PROKR1: variants seen among roughly 807,000 people sequenced by gnomAD.
PROKR1 encodes prokineticin receptor 1.
In PROKR1, 21 loss-of-function variants were observed where a neutral mutation model predicts 22.8. That is an observed-to-expected ratio of 0.92 (90% confidence interval 0.65 to 1.32). The LOEUF is 1.32. PROKR1 is among the 40% of genes most tolerant of loss of function. The pLI is 0.00. For missense variants in PROKR1, 548 were observed against 514.2 expected, an observed-to-expected ratio of 1.07 and a Z score of -0.64; for synonymous variants, 193 against 207.5, an observed-to-expected ratio of 0.93 and a Z score of 0.60.
intron 2 of PROKR1, among the ~76,000 whole-genome samples, 186 bp from the exon 3 acceptor site, chr2:68,654,694 A>AG (rs982494696): frequency 2.0e-5 from 3 of 151,298 alleles, no homozygotes; most frequent in Non-Finnish European, 2.9e-5. Flanking sequence ...GCTACTTGGG[A>AG]GGCTGAGGTG....
Position 68,655,536 on chromosome 2 carries a change from T to G in PROKR1, c.1142T>G (p.Met381Arg). Residue 381 changes from methionine to arginine, a missense_variant, in exon 3 of 3, where the codon ATG becomes AGG. Physicochemically the swap from Met to Arg is moderately conservative, Grantham distance 91 (BLOSUM62 -1). Transcript: ENST00000303786. ...GACCTGGACCTCAAGACAATTGGGATGCCTGCCACCGAAGAGGTGGACTGC... is the reference window on the plus strand; with the variant it reads ...GACCTGGACCTCAAGACAATTGGGAGGCCTGCCACCGAAGAGGTGGACTGC... ...SADLDLKTIGMPATEEVDCIR... is the reference protein window; with the variant it reads ...SADLDLKTIGRPATEEVDCIR... 6.2e-7 allele frequency: 1 copy of G among 1,614,230 alleles called. No homozygotes were observed. The highest frequency in any genetic ancestry group is 1.1e-5 in the South Asian group (1 of 91,082).
Position 68,645,206 on chromosome 2 carries a change from G to T in PROKR1, c.-160-456G>T, listed in dbSNP as rs758381248. 2.3e-4 allele frequency among the ~76,000 whole-genome samples: 35 copies of T among 152,202 alleles called. 1 individual carries two copies. The highest frequency in any genetic ancestry group is 1.5e-5 in the Non-Finnish European group (1 of 68,034). ...TTCCCAGCTTCTAGGGTCATAGCAG[G>T]TTCTAATGTGGGAACAGGAAGTCCA... On this transcript the variant is annotated intron_variant, in intron 1 of 2. Coordinates refer to ENST00000303786, the MANE Select transcript of PROKR1 (RefSeq NM_138964.4).
At position 68,643,863 on chromosome 2, in the gene PROKR1, C is replaced by G. The variant is rs1305021210; in HGVS notation, c.-161+15C>G. 6.6e-6 allele frequency: 1 copy of G among 152,328 alleles called. No homozygotes were observed. The highest frequency in any genetic ancestry group is 1.5e-5 in the Non-Finnish European group (1 of 68,104). The allele number at this position is 152,328 out of a possible 1,614,324, so 9.4% of individuals were successfully genotyped here. On this transcript the variant is annotated intron_variant, in intron 1 of 2. Coordinates refer to ENST00000303786, the MANE Select transcript of PROKR1 (RefSeq NM_138964.4). Reference sequence around the variant, plus strand: ...CGATGCCGCAGGTACAGAGCGCGCCCTCCCGGGGAGGATGCTCCAGGGACC... The same window carrying G: ...CGATGCCGCAGGTACAGAGCGCGCCGTCCCGGGGAGGATGCTCCAGGGACC...
intron 2 of PROKR1, among the ~76,000 whole-genome samples, chr2:68,651,192 T>C (rs1673316690): frequency 6.8e-6 from 1 of 147,104 alleles, no homozygotes; most frequent in African/African-American, 2.5e-5. Flanking sequence ...GTAGATCCTG[T>C]CTCTACAAAA....
At position 68,655,244 on chromosome 2, in the gene PROKR1, C is replaced by G; in HGVS notation, c.850C>G (p.Leu284Val). Reference sequence around the variant, plus strand: ...GCTGCGCTGCCGCAGGAAGACGGTCCTGGTGCTCATGTGCATCCTCACCGC... The same window carrying G: ...GCTGCGCTGCCGCAGGAAGACGGTCGTGGTGCTCATGTGCATCCTCACCGC... Reference protein sequence around the residue: ...KRLRCRRKTVLVLMCILTAYV... With the variant: ...KRLRCRRKTVVVLMCILTAYV... The change falls in exon 3 of 3, where the codon CTG becomes GTG. Residue 284 changes from leucine (L) to valine (V), a missense_variant. By Grantham distance (32) the Leu-to-Val change is conservative. Coordinates refer to ENST00000303786, the MANE Select transcript of PROKR1 (RefSeq NM_138964.4). 1.9e-6 allele frequency: 3 copies of G among 1,614,282 alleles called. No individual in the cohort carries two copies. Among genetic ancestry groups the G allele is most frequent in the Non-Finnish European group, 1.7e-6 (2 of 1,180,052 alleles).
At position 68,654,860 on chromosome 2, in the gene PROKR1, C is replaced by T; in HGVS notation, c.486-20C>T. ...ACTTCTTTCTCACAGTGGCTGCCTCCACTTGTGTTCTTGCCCTAGGTATCT... is the reference window on the plus strand; with the variant it reads ...ACTTCTTTCTCACAGTGGCTGCCTCTACTTGTGTTCTTGCCCTAGGTATCT... On this transcript the variant is annotated intron_variant, in intron 2 of 2. Transcript: ENST00000303786. 2 of 1,589,042 alleles carry T rather than the reference C, an allele frequency of 1.3e-6. No homozygotes were observed. Among genetic ancestry groups the T allele is most frequent in the South Asian group, 2.2e-5 (2 of 90,556 alleles).
intron 2 of PROKR1, among the ~76,000 whole-genome samples, chr2:68,650,477 T>C (rs529687362): frequency 6.6e-5 from 10 of 152,306 alleles, no homozygotes; most frequent in African/African-American, 2.4e-4. Context: ...CAAGTAATTA[T>C]TGTGCCCCGA....
Position 68,645,956 on chromosome 2 carries a change from T to C in PROKR1, c.135T>C (p.Pro45=). The C allele has an allele frequency of 1.2e-6, 2 of 1,614,210 alleles. No individual in the cohort carries two copies. Among genetic ancestry groups the C allele is most frequent in the South Asian group, 1.1e-5 (1 of 91,082 alleles). ...TCAGCTACAGCGACTATGATATGCCTTTGGATGAAGATGAGGATGTGACCA... is the reference window on the plus strand; with the variant it reads ...TCAGCTACAGCGACTATGATATGCCCTTGGATGAAGATGAGGATGTGACCA... ...FNFSYSDYDM[P]LDEDEDVTNS... Residue 45 remains proline, a synonymous_variant, in exon 2 of 3, where the codon CCT becomes CCC. Coordinates refer to ENST00000303786, the MANE Select transcript of PROKR1 (RefSeq NM_138964.4).
chr2:68,645,155 C>G (rs1673147049), intron 1 of PROKR1, among the ~76,000 whole-genome samples: 1 of 152,212 alleles, frequency 6.6e-6, no homozygotes, highest in African/African-American at 2.4e-5. Flanking sequence ...CAGCCTCTGT[C>G]TGGGGACAGG....
At chr2:68,645,157 G>A (rs1673147105) in intron 1 of PROKR1, among the ~76,000 whole-genome samples, 1 of 152,182 alleles carries the variant, frequency 6.6e-6, no homozygotes, top group African/African-American at 2.4e-5. Context: ...GCCTCTGTCT[G>A]GGGACAGGCC....
At chr2:68,651,293 A>G (rs1395619803) in intron 2 of PROKR1, among the ~76,000 whole-genome samples, 2 of 152,128 alleles carry the variant, frequency 1.3e-5, no homozygotes, top group Admixed American at 1.3e-4. Context: ...GGCCCAGGAG[A>G]TAGAAGCTGC....
In PROKR1 at chr2:68,655,287, C is replaced by G; in HGVS notation, c.893C>G (p.Ala298Gly). 6.2e-7 allele frequency: 1 copy of G among 1,614,240 alleles called. No homozygotes were observed. Among genetic ancestry groups the G allele is most frequent in the Non-Finnish European group, 8.5e-7 (1 of 1,180,050 alleles). The change falls in exon 3 of 3, where the codon GCG becomes GGG. Residue 298 changes from alanine to glycine, a missense_variant. Transcript: ENST00000303786. ...CILTAYVLCW[A>G]PFYGFTIVRD... Reference sequence around the variant, plus strand: ...CTCACCGCCTACGTGCTATGCTGGGCGCCCTTCTACGGCTTCACCATCGTG... The same window carrying G: ...CTCACCGCCTACGTGCTATGCTGGGGGCCCTTCTACGGCTTCACCATCGTG...
intron 2 of PROKR1, among the ~76,000 whole-genome samples, chr2:68,650,293 T>G (rs1214415615): frequency 6.6e-6 from 1 of 152,200 alleles, no homozygotes; most frequent in African/African-American, 2.4e-5. Flanking sequence ...AAACTTTTAT[T>G]ATCTAGCCCC....
chr2:68,649,865 G>C (rs148113870), intron 2 of PROKR1, among the ~76,000 whole-genome samples: 1 of 152,274 alleles, frequency 6.6e-6, no homozygotes, highest in Non-Finnish European at 1.5e-5. Context: ...TCTACAAACA[G>C]AGGAACAGAG....
At position 68,645,533 on chromosome 2, in the gene PROKR1, T is replaced by C. The variant is rs147248145; in HGVS notation, c.-160-129T>C. 1,642 of 505,844 alleles carry C rather than the reference T, an allele frequency of 3.2e-3. 17 individuals carry two copies. Among genetic ancestry groups the C allele is most frequent in the African/African-American group, 0.026 (1,356 of 52,228 alleles). The allele number at this position is 505,844 out of a possible 1,614,324, so 31.3% of individuals were successfully genotyped here. On this transcript the variant is annotated intron_variant, in intron 1 of 2. Transcript: ENST00000303786. ...ATTCATTTTCTCTCATTGGTTCCTT[T>C]ATTTCCACTCCATCACCCTATGTTC...
At chr2:68,653,269 C>T (rs1369855322) in intron 2 of PROKR1, among the ~76,000 whole-genome samples, 1 of 152,150 alleles carries the variant, frequency 6.6e-6, no homozygotes, top group Admixed American at 6.5e-5. Context: ...TGGCAGTCGG[C>T]CGGGCGTCCA....
At chr2:68,644,807 C>T (rs1233535109) in intron 1 of PROKR1, among the ~76,000 whole-genome samples, 1 of 152,164 alleles carries the variant, frequency 6.6e-6, no homozygotes, top group East Asian at 1.9e-4. Flanking sequence ...GGCTGCCTCC[C>T]TGTCCCCACC....
intron 1 of PROKR1, among the ~76,000 whole-genome samples, chr2:68,644,565 G>T (rs763349053): frequency 6.6e-6 from 1 of 152,170 alleles, no homozygotes; most frequent in African/African-American, 2.4e-5. Flanking sequence ...GTTTTGCCTC[G>T]GAGGAATATG....
chr2:68,649,298 A>G (rs1673259638), intron 2 of PROKR1, among the ~76,000 whole-genome samples: 1 of 152,150 alleles, frequency 6.6e-6, no homozygotes, highest in Non-Finnish European at 1.5e-5. Flanking sequence ...ACCAGCATTC[A>G]TTCAACCTCC....
Sources: allele counts gnomAD v4.1 joint callset (sites outside exome capture counted in the v4.1 genomes callset), GRCh38; gene constraint gnomAD v4.1.1; transcripts MANE v1.5; gene names NCBI Gene and HGNC (gene_info 2026-07-23, HGNC 2026-07-21).